The following PCDHGB2 variants were observed in gnomAD, a reference collection of about 807,000 sequenced individuals.
PCDHGB2 encodes protocadherin gamma-B2.
In PCDHGB2, 55 loss-of-function variants were observed where a neutral mutation model predicts 59.3. That is an observed-to-expected ratio of 0.93 (90% CI 0.75 to 1.16). The LOEUF (loss-of-function observed/expected upper bound fraction) is 1.16, where lower values mean the gene tolerates loss of function less well. Among genes scored for constraint, PCDHGB2 ranks in the 50% most tolerant of loss-of-function variants. The probability of loss-of-function intolerance (pLI) is 0.00; values close to 1 mark genes in which losing one functional copy is unlikely to be tolerated. For synonymous variants in PCDHGB2, 516 were observed against 512.0 expected, an observed-to-expected ratio of 1.01 and a Z score of -0.11; for missense variants, 1,228 against 1,198.5, an observed-to-expected ratio of 1.02 and a Z score of -0.36.
intron 1 of PCDHGB2, among the ~76,000 whole-genome samples, chr5:141,480,959 C>A (rs1476891394): frequency 1.3e-5 from 2 of 152,086 alleles, no homozygotes; most frequent in East Asian, 3.8e-4. Flanking sequence ...GCGGAAGCAT[C>A]AGTGAGGGAG....
intron 1 of PCDHGB2, among the ~76,000 whole-genome samples, chr5:141,368,814 T>C (rs1765871843): frequency 6.6e-6 from 1 of 152,218 alleles, no homozygotes; most frequent in South Asian, 2.1e-4. Context: ...GAAGTGTTCA[T>C]ACAATGAACA....
chr5:141,436,519 C>A (rs770168763), intron 1 of PCDHGB2, among the ~76,000 whole-genome samples: 2 of 152,140 alleles, frequency 1.3e-5, no homozygotes, highest in African/African-American at 2.4e-5. Context: ...TTAACTGTGT[C>A]ACCTTTAGCA....
intron 1 of PCDHGB2, chr5:141,376,679 T>A (rs1008866087): frequency 1.9e-6 from 1 of 528,242 alleles, no homozygotes; most frequent in Non-Finnish European, 2.9e-6. Context: ...GGGTATCGTT[T>A]TTTTTTTTTT....
chr5:141,392,704 G>A, intron 1 of PCDHGB2: 1 of 1,281,856 alleles, frequency 7.8e-7, no homozygotes, highest in East Asian at 2.6e-5. Flanking sequence ...CCTGTTTGGA[G>A]GCACTCCAGG....
chr5:141,456,157 A>G (rs1307977690), intron 1 of PCDHGB2, among the ~76,000 whole-genome samples: 3 of 152,052 alleles, frequency 2.0e-5, no homozygotes, highest in Admixed American at 1.3e-4. Context: ...TCGGCCTCCT[A>G]AAGTGCTGGG....
At chr5:141,447,263 C>A (rs953578064) in intron 1 of PCDHGB2, among the ~76,000 whole-genome samples, 1 of 152,116 alleles carries the variant, frequency 6.6e-6, no homozygotes, top group Non-Finnish European at 1.5e-5. Context: ...TCTCAGCCTC[C>A]CAAGTAGCTG....
chr5:141,403,343 C>T (rs774711306), intron 1 of PCDHGB2: 10 of 1,614,000 alleles, frequency 6.2e-6, no homozygotes, highest in Admixed American at 1.7e-5. Context: ...CGACAGCGCC[C>T]CAAAGTTCCA....
intron 1 of PCDHGB2, among the ~76,000 whole-genome samples, chr5:141,449,588 CAAAAAAAA>C (rs768743917): frequency 1.7e-5 from 1 of 57,492 alleles, no homozygotes; most frequent in South Asian, 6.3e-4. Context: ...GACTCTGTCT[CAAAAAAAA>C]AAAAAAAAAA....
rs1245731818 is a variant in PCDHGB2, at chr5:141,476,700, A to C, written c.2422-18107A>C. 1 of 1,614,096 alleles carries C rather than the reference A, an allele frequency of 6.2e-7. No homozygotes were observed. Among genetic ancestry groups the C allele is most frequent in the Non-Finnish European group, 8.5e-7 (1 of 1,180,016 alleles). On this transcript the variant is annotated intron_variant, in intron 1 of 3. Coordinates refer to ENST00000522605, the MANE Select transcript of PCDHGB2 (RefSeq NM_018923.3). This position sits in a 1 kb window ranked among gnomAD's most constrained non-coding sequence, Gnocchi z 7.6. Reference sequence around the variant, plus strand: ...CGGGAGGACAGCACCAAGTACGCGGAGCTGGTGTTGGAGCGCGCCCTGGAC... The same window carrying C: ...CGGGAGGACAGCACCAAGTACGCGGCGCTGGTGTTGGAGCGCGCCCTGGAC...
rs757586675 is a variant in PCDHGB2, at chr5:141,399,621, C to T, written c.2421+37065C>T. The T allele has an allele frequency of 1.1e-5, 17 of 1,613,830 alleles. No individual in the cohort carries two copies. The African/African-American group carries it at 2.3e-4, about 22-fold the overall frequency. On this transcript the variant is annotated intron_variant, in intron 1 of 3. Transcript: ENST00000522605. Reference sequence around the variant, plus strand: ...GCGACCTAGAGCCTCTGGCACTGGCCTCTTACGTGTCCATGAGCGCGCAAA... The same window carrying T: ...GCGACCTAGAGCCTCTGGCACTGGCTTCTTACGTGTCCATGAGCGCGCAAA...
chr5:141,454,142 C>T (rs2098782408), intron 1 of PCDHGB2, among the ~76,000 whole-genome samples: 1 of 152,222 alleles, frequency 6.6e-6, no homozygotes, highest in Non-Finnish European at 1.5e-5. Context: ...GGAATGTTCA[C>T]ACTGCTACTT....
chr5:141,363,158 A>G (rs1432648043), intron 1 of PCDHGB2, among the ~76,000 whole-genome samples: 1 of 152,238 alleles, frequency 6.6e-6, no homozygotes, highest in Non-Finnish European at 1.5e-5. Context: ...GTGAGAAATC[A>G]TTCTCTAACA....
intron 1 of PCDHGB2, among the ~76,000 whole-genome samples, chr5:141,457,854 C>A (rs2098930903): frequency 6.6e-6 from 1 of 152,234 alleles, no homozygotes; most frequent in African/African-American, 2.4e-5. Flanking sequence ...AAGTGACATT[C>A]TTCACTGACC....
intron 1 of PCDHGB2, chr5:141,408,955 TA>T: frequency 2.5e-6 from 4 of 1,613,616 alleles, no homozygotes; most frequent in Non-Finnish European, 3.4e-6. Flanking sequence ...GAATTAGTCT[TA>T]GTGAAAATCT....
At chr5:141,488,438 C>T (rs2099675393) in intron 1 of PCDHGB2, among the ~76,000 whole-genome samples, 1 of 152,146 alleles carries the variant, frequency 6.6e-6, no homozygotes, top group African/African-American at 2.4e-5. Flanking sequence ...CTCTGACCAC[C>T]CTCCTGGGTG....
chr5:141,383,853 G>A (rs942698942), intron 1 of PCDHGB2: 7 of 1,613,828 alleles, frequency 4.3e-6, no homozygotes, highest in African/African-American at 2.7e-5. Flanking sequence ...ATGAAATGGA[G>A]GTTCAGGCTC....
intron 1 of PCDHGB2, among the ~76,000 whole-genome samples, chr5:141,382,255 A>C (rs999860225): frequency 6.6e-6 from 1 of 152,204 alleles, no homozygotes. Flanking sequence ...ATCTTGCATC[A>C]TGGTGTCTAG....
intron 1 of PCDHGB2, chr5:141,374,130 T>G (rs368568776): frequency 1.2e-5 from 20 of 1,604,086 alleles, no homozygotes; most frequent in African/African-American, 2.7e-5. Context: ...CAGGTCCTGC[T>G]CCTCACGCTC....
chr5:141,402,799 C>A (rs1248030162), intron 1 of PCDHGB2: 2 of 1,061,840 alleles, frequency 1.9e-6, no homozygotes, highest in Non-Finnish European at 2.6e-6. Flanking sequence ...TACACAAAAC[C>A]CGGCAGATAC....
Sources: allele counts gnomAD v4.1 joint callset (sites outside exome capture counted in the v4.1 genomes callset), GRCh38; gene constraint gnomAD v4.1.1; non-coding constraint Gnocchi (gnomAD v3.1); transcripts MANE v1.5; gene names NCBI Gene and HGNC (gene_info 2026-07-23, HGNC 2026-07-21).